U2AF2: variants seen among roughly 807,000 people sequenced by gnomAD.
U2AF2 encodes U2 small nuclear RNA auxiliary factor 2.
A neutral mutation model predicts 52.6 loss-of-function variants in U2AF2; 6 were observed. The ratio of observed to expected loss-of-function variants is 0.11; its 90% CI spans 0.06 to 0.23. U2AF2 has a LOEUF of 0.23. Among genes scored for constraint, U2AF2 ranks in the 10% least tolerant of loss-of-function variants. The probability of loss-of-function intolerance (pLI) is 1.00; values close to 1 mark genes in which losing one functional copy is unlikely to be tolerated. For missense variants in U2AF2, 222 were observed against 677.1 expected (o/e 0.33, Z 7.46); for synonymous variants, 284 against 258.2 (o/e 1.10, Z -0.96).
Position 55,661,097 on chromosome 19 carries a change from G to A in U2AF2, c.394G>A (p.Val132Met). ...LPTMTPDGLA[V>M]TPTPVPVVGS... Reference sequence around the variant, plus strand: ...CACCATGACCCCTGACGGTCTGGCTGTGACCCCAACGCCGGTGCCCGTGGT... The same window carrying A: ...CACCATGACCCCTGACGGTCTGGCTATGACCCCAACGCCGGTGCCCGTGGT... The change falls in exon 5 of 12, where the codon GTG becomes ATG. Residue 132 changes from valine to methionine, a missense_variant. Val to Met is a conservative substitution (Grantham distance 21). Transcript: ENST00000308924. 6.2e-7 allele frequency: 1 copy of A among 1,612,444 alleles called. No homozygotes were observed. The highest frequency in any genetic ancestry group is 1.1e-5 in the South Asian group (1 of 91,008).
intron 10 of U2AF2, 35 bp downstream of exon 10, chr19:55,669,216 G>T: frequency 6.2e-7 from 1 of 1,609,798 alleles, no homozygotes; most frequent in Non-Finnish European, 8.5e-7. Flanking sequence ...GGGACCCTGG[G>T]GGTGGGAGGG....
Position 55,660,500 on chromosome 19 carries a change from C to CGG in U2AF2, c.231-16_231-15insGG. 4.0e-6 allele frequency: 4 copies of CGG among 1,004,306 alleles called. No individual in the cohort carries two copies. The highest frequency in any genetic ancestry group is 6.2e-6 in the Non-Finnish European group (4 of 648,858). 62.2% of individuals were successfully genotyped at this position (1,004,306 alleles called of 1,614,324 possible). On this transcript the variant is annotated splice_polypyrimidine_tract_variant and intron_variant, in intron 3 of 11. Transcript: ENST00000308924. ...TGAGGTTGCCCTGCCCCGCTCTCCC[C>CGG]TCCCACCTCCCCCAGTCGTTCCCCC...
At chr19:55,656,951 C>T (rs148753365) in intron 1 of U2AF2, among the ~76,000 whole-genome samples, 7 of 152,342 alleles carry the variant, frequency 4.6e-5, no homozygotes, top group Non-Finnish European at 8.8e-5. Context: ...CACACAACAC[C>T]TGGATGGAGT....
intron 11 of U2AF2, among the ~76,000 whole-genome samples, chr19:55,673,012 G>A (rs968634417): frequency 5.3e-5 from 8 of 151,378 alleles, no homozygotes; most frequent in Non-Finnish European, 7.4e-5. Context: ...GCGCAATCTC[G>A]GCTCACTGCA....
At chr19:55,665,033 A>G (rs762160309) in intron 7 of U2AF2, among the ~76,000 whole-genome samples, 52 of 152,184 alleles carry the variant, frequency 3.4e-4, no homozygotes, top group Admixed American at 2.0e-4. Context: ...CTTTTCCATC[A>G]TGGGTTTTGG....
intron 7 of U2AF2, among the ~76,000 whole-genome samples, chr19:55,664,960 C>G (rs1045004610): frequency 6.6e-6 from 1 of 152,114 alleles, no homozygotes; most frequent in Non-Finnish European, 1.5e-5. Flanking sequence ...TCAAGTGATC[C>G]GCTCACCTCA....
chr19:55,667,436 G>A (rs1984614519), intron 7 of U2AF2, among the ~76,000 whole-genome samples: 3 of 152,108 alleles, frequency 2.0e-5, no homozygotes, highest in Non-Finnish European at 4.4e-5. Context: ...CTGACAGGAC[G>A]GCGTCAAGTT....
chr19:55,661,321 C>G, intron 5 of U2AF2, 132 bp downstream of exon 5: 2 of 1,062,820 alleles, frequency 1.9e-6, no homozygotes, highest in East Asian at 3.1e-5. Context: ...CCCTCCCAGA[C>G]GGACCGATGG....
chr19:55,658,621 A>G (rs181600737), intron 1 of U2AF2, among the ~76,000 whole-genome samples: 2 of 152,242 alleles, frequency 1.3e-5, no homozygotes, highest in Admixed American at 1.3e-4. Context: ...TTTCCCCTTC[A>G]GTCTGCAGAT....
At chr19:55,659,529 G>A (rs1984024316) in intron 2 of U2AF2, among the ~76,000 whole-genome samples, 184 bp downstream of exon 2, 1 of 151,852 alleles carries the variant, frequency 6.6e-6, no homozygotes, top group Non-Finnish European at 1.5e-5. Context: ...TTTTTCCCCC[G>A]TTTCTGGGGT....
chr19:55,655,236 TC>T (rs1209974734), intron 1 of U2AF2, 83 bp downstream of exon 1: 16 of 1,463,908 alleles, frequency 1.1e-5, no homozygotes, highest in Middle Eastern at 2.0e-4. Flanking sequence ...CTCCCTCGCT[TC>T]CCCCCACTTC....
At chr19:55,670,343 C>T (rs1045742547) in intron 11 of U2AF2, among the ~76,000 whole-genome samples, 12 of 151,984 alleles carry the variant, frequency 7.9e-5, no homozygotes, top group African/African-American at 2.9e-4. Flanking sequence ...GCTCTTTGAT[C>T]CCCTTGCTGG....
At chr19:55,670,117 A>T (rs1984798932) in intron 11 of U2AF2, among the ~76,000 whole-genome samples, 1 of 151,452 alleles carries the variant, frequency 6.6e-6, no homozygotes, top group Non-Finnish European at 1.5e-5. Context: ...CACCCTGCCG[A>T]AGCTGTGTCT....
intron 2 of U2AF2, among the ~76,000 whole-genome samples, 171 bp downstream of exon 2, chr19:55,659,516 GA>G (rs1568548902): frequency 6.6e-6 from 1 of 151,810 alleles, no homozygotes; most frequent in African/African-American, 2.4e-5. Flanking sequence ...CTTGGATTCC[GA>G]TTTTTTCCCC....
At chr19:55,669,264 C>T (rs1480592875) in intron 10 of U2AF2, 83 bp downstream of exon 10, 6 of 1,568,738 alleles carry the variant, frequency 3.8e-6, no homozygotes, top group South Asian at 3.5e-5. Flanking sequence ...GATCTTTCTC[C>T]CAGCTTTCAT....
chr19:55,659,249 G>T lies in U2AF2; in HGVS notation c.89G>T (p.Ser30Ile), dbSNP rs1983995748. 6.2e-7 allele frequency: 1 copy of T among 1,602,232 alleles called. No individual in the cohort carries two copies. Among genetic ancestry groups the T allele is most frequent in the African/African-American group, 1.3e-5 (1 of 74,214 alleles). The part of the protein sequence containing the change: ...KENRHRKRSH[S>I]RSRSRDRKRR... The stretch of plus-strand genomic sequence containing the variant: ...AACCGGCATCGGAAGCGCAGCCACA[G>T]CCGCTCTCGGAGCCGGGACCGCAAA... The change falls in exon 2 of 12, where the codon AGC becomes ATC. Residue 30 changes from serine (S) to isoleucine (I), a missense_variant. Ser to Ile is a moderately radical substitution (Grantham distance 142). Transcript: ENST00000308924.
Position 55,674,303 on chromosome 19 carries a change from A to G in U2AF2, c.*235A>G, listed in dbSNP as rs1038287656. 7.9e-6 allele frequency: 4 copies of G among 503,854 alleles called. No homozygotes were observed. The highest frequency in any genetic ancestry group is 7.1e-6 in the Non-Finnish European group (2 of 281,220). The allele number at this position is 503,854 out of a possible 1,614,324, so 31.2% of individuals were successfully genotyped here. A position where few individuals can be genotyped will look rare whatever the true frequency, so the allele number is the denominator to read the frequency against. On this transcript the variant is annotated 3_prime_UTR_variant, in exon 12 of 12. Coordinates refer to ENST00000308924, the MANE Select transcript of U2AF2 (RefSeq NM_007279.3). ...CACACAGCCCACACAGACAACACGC[A>G]CCCACACAGACACAGAGGGAAGGGG... is the stretch of plus-strand genomic sequence containing the variant.
Position 55,668,489 on chromosome 19 carries a change from CCTCTT to C in U2AF2, c.743-13_743-9del. The stretch of plus-strand genomic sequence containing the variant: ...AACCTGGTACTGGAATTGAAGTCCT[CCTCTT>C]CTCTACCCATAGGGGTTGTGTCCAC... On this transcript the variant is annotated splice_polypyrimidine_tract_variant and intron_variant, in intron 7 of 11. Transcript: ENST00000308924. The surrounding 1 kb of genome is among the most constrained non-coding windows in gnomAD (Gnocchi z 5.5). 7.0e-6 allele frequency: 11 copies of C among 1,562,856 alleles called. No individual in the cohort carries two copies. The highest frequency in any genetic ancestry group is 1.2e-5 in the South Asian group (1 of 83,470).
chr19:55,655,863 C>T lies in U2AF2; in HGVS notation c.49+710C>T, dbSNP rs1458020213. On this transcript the variant is annotated intron_variant, in intron 1 of 11. Coordinates refer to ENST00000308924, the MANE Select transcript of U2AF2 (RefSeq NM_007279.3). ...TCCGCACGCACACATCCTGCATATG[C>T]GGGGCTTTTGGCGGTCCCGAGAATC... Among the ~76,000 whole-genome samples, 7 of 152,328 alleles carry T rather than the reference C, an allele frequency of 4.6e-5. No individual in the cohort carries two copies. The East Asian group carries it at 1.4e-3, about 29-fold the overall frequency.
Sources: allele counts gnomAD v4.1 joint callset (sites outside exome capture counted in the v4.1 genomes callset), GRCh38; gene constraint gnomAD v4.1.1; non-coding constraint Gnocchi (gnomAD v3.1); transcripts MANE v1.5; gene names NCBI Gene and HGNC (gene_info 2026-07-23, HGNC 2026-07-21).